The following PLXNA4 variants were observed in gnomAD, a reference collection of about 807,000 sequenced individuals.
The protein encoded by PLXNA4 is plexin-A4.
Under a neutral mutation model 191.8 loss-of-function variants are expected in PLXNA4, and 44 were observed. That is an observed-to-expected ratio of 0.23 (90% confidence interval 0.18 to 0.29). The LOEUF (loss-of-function observed/expected upper bound fraction) is 0.29. Among genes scored for constraint, PLXNA4 ranks in the 10% least tolerant of loss-of-function variants. The probability of loss-of-function intolerance (pLI) is 1.00; values close to 1 mark genes in which losing one functional copy is unlikely to be tolerated. For synonymous variants in PLXNA4, 1,082 were observed against 1,009.5 expected (o/e 1.07, Z -1.36); for missense variants, 1,800 against 2,488.8 (o/e 0.72, Z 5.89).
intron 3 of PLXNA4, among the ~76,000 whole-genome samples, chr7:132,465,081 C>T (rs925628794): frequency 6.6e-6 from 1 of 152,174 alleles, no homozygotes; most frequent in Non-Finnish European, 1.5e-5. Context: ...GTTTCCCTCC[C>T]TCCTTTCATT....
chr7:132,279,802 G>A (rs1363136547), intron 4 of PLXNA4, among the ~76,000 whole-genome samples: 3 of 152,180 alleles, frequency 2.0e-5, no homozygotes, highest in Non-Finnish European at 2.9e-5. Flanking sequence ...TGTTGAGATA[G>A]AGAAATCACT....
At chr7:132,189,329 G>A (rs1013167209) in intron 14 of PLXNA4, among the ~76,000 whole-genome samples, 3 of 152,104 alleles carry the variant, frequency 2.0e-5, no homozygotes, top group South Asian at 2.1e-4. Context: ...AATATTTCAC[G>A]GTGGGTTTGC....
intron 2 of PLXNA4, among the ~76,000 whole-genome samples, chr7:132,609,819 G>C (rs73160207): frequency 0.065 from 9,860 of 152,244 alleles, 439 homozygotes; most frequent in Non-Finnish European, 0.096. Flanking sequence ...GTGGGCTGTA[G>C]AGCAGTAGCT....
chr7:132,484,868 C>A, intron 3 of PLXNA4: 6 of 1,614,174 alleles, frequency 3.7e-6, no homozygotes, highest in Non-Finnish European at 5.1e-6. Flanking sequence ...AGGCTGGACT[C>A]TCTGATCTGA....
At chr7:132,354,188 T>TGC (rs1358267319) in intron 3 of PLXNA4, among the ~76,000 whole-genome samples, 2 of 137,340 alleles carry the variant, frequency 1.5e-5, no homozygotes, top group African/African-American at 5.8e-5. Flanking sequence ...AGTGTGTGCG[T>TGC]GTGTGTGTGT....
intron 28 of PLXNA4, 61 bp downstream of exon 28, chr7:132,146,449 G>A: frequency 6.2e-7 from 1 of 1,613,926 alleles, no homozygotes; most frequent in South Asian, 1.1e-5. Flanking sequence ...ATTTCTGTGG[G>A]CTGATGAAGT....
intron 3 of PLXNA4, among the ~76,000 whole-genome samples, chr7:132,442,724 G>A (rs986528640): frequency 2.0e-5 from 3 of 152,236 alleles, no homozygotes; most frequent in Admixed American, 6.5e-5. Flanking sequence ...AACAGTCCCA[G>A]GCCAACCTGA....
intron 3 of PLXNA4, among the ~76,000 whole-genome samples, chr7:132,416,637 A>G (rs967997455): frequency 6.6e-6 from 1 of 152,246 alleles, no homozygotes; most frequent in African/African-American, 2.4e-5. Flanking sequence ...GTATTGCTGC[A>G]TCTTCCTTTC....
chr7:132,450,926 G>A (rs1796098267), intron 3 of PLXNA4, among the ~76,000 whole-genome samples: 1 of 152,144 alleles, frequency 6.6e-6, no homozygotes, highest in South Asian at 2.1e-4. Flanking sequence ...CTCTGCAGGG[G>A]TGGAATCTTT....
chr7:132,647,630 ATCATACAC>A (rs1258297088), intron 1 of PLXNA4, among the ~76,000 whole-genome samples: 1 of 151,800 alleles, frequency 6.6e-6, no homozygotes, highest in Non-Finnish European at 1.5e-5. Flanking sequence ...CCCACATGCT[ATCATACAC>A]ACATACACAC....
intron 21 of PLXNA4, among the ~76,000 whole-genome samples, 176 bp from the exon 22 acceptor site, chr7:132,168,748 C>A (rs559211145): frequency 9.8e-5 from 15 of 152,298 alleles, no homozygotes; most frequent in African/African-American, 3.4e-4. Context: ...TAACCTCCAT[C>A]GCAGCCTCTA....
chr7:132,390,519 A>C (rs1221357705), intron 3 of PLXNA4, among the ~76,000 whole-genome samples: 1 of 152,174 alleles, frequency 6.6e-6, no homozygotes, highest in African/African-American at 2.4e-5. Flanking sequence ...TACCTATGTA[A>C]CAAACCTGCA....
intron 1 of PLXNA4, among the ~76,000 whole-genome samples, chr7:132,557,479 C>A (rs1800851436): frequency 6.6e-6 from 1 of 151,700 alleles, no homozygotes; most frequent in Non-Finnish European, 1.5e-5. Context: ...GATAGGCAAT[C>A]AATTACCAAG....
rs1463194239 is a variant in PLXNA4, at chr7:132,508,953, C to T, written c.-86-174G>A. ...CCACGGGCATGTGACACAGTCAGAG[C>T]CGGGTGGCAGCAGCCCCAGGAGGAC... On this transcript the variant is annotated intron_variant, in intron 1 of 31. Coordinates refer to ENST00000321063, the MANE Select transcript of PLXNA4 (RefSeq NM_020911.2). This position sits in a 1 kb window ranked among gnomAD's most constrained non-coding sequence, Gnocchi z 4.4. Among the ~76,000 whole-genome samples the T allele has an allele frequency of 6.6e-6, 1 of 152,144 alleles. No homozygotes were observed. The highest frequency in any genetic ancestry group is 2.4e-5 in the African/African-American group (1 of 41,412).
rs1563048980 is a variant in PLXNA4 at position 132,133,049 on chromosome 7, C to G, written c.5589G>C (p.Glu1863Asp). Residue 1863 changes from glutamate (E) to aspartate (D), a missense_variant and splice_region_variant, in exon 31 of 32, where the codon GAG (glutamate) becomes GAC (aspartate). Physicochemically the swap from Glu to Asp is conservative, Grantham distance 45. Transcript: ENST00000321063. ...IFSYVGKYSE[E>D]ILGPLDHDDQ... Reference sequence around the variant, plus strand: ...GGGCCTGGAGCAGGGCAAAGCTTACCTCCTCGCTGTATTTGCCCACATAGG... The same window carrying G: ...GGGCCTGGAGCAGGGCAAAGCTTACGTCCTCGCTGTATTTGCCCACATAGG... 6.2e-7 allele frequency: 1 copy of G among 1,613,458 alleles called. No homozygotes were observed. Among genetic ancestry groups the G allele is most frequent in the South Asian group, 1.1e-5 (1 of 90,888 alleles).
At chr7:132,172,758 TATAATAATA>T (rs10651247) in intron 21 of PLXNA4, among the ~76,000 whole-genome samples, 3 of 148,948 alleles carry the variant, frequency 2.0e-5, no homozygotes, top group Admixed American at 6.7e-5. Flanking sequence ...AAACTTAAAG[TATAATAATA>T]ATAATAATAA....
At chr7:132,237,088 G>C (rs975522393) in intron 5 of PLXNA4, among the ~76,000 whole-genome samples, 1 of 152,218 alleles carries the variant, frequency 6.6e-6, no homozygotes, top group African/African-American at 2.4e-5. Flanking sequence ...GATTACAAGC[G>C]TGTTTGTCTT....
chr7:132,189,014 G>A (rs962718010), intron 14 of PLXNA4, among the ~76,000 whole-genome samples: 1,232 of 82,672 alleles, frequency 0.015, 58 homozygotes, highest in African/African-American at 0.045. Flanking sequence ...GAGAGAGAGA[G>A]AGAGAGAGAG....
intron 3 of PLXNA4, among the ~76,000 whole-genome samples, chr7:132,377,429 A>C (rs1043082594): frequency 6.6e-6 from 1 of 151,938 alleles, no homozygotes; most frequent in Non-Finnish European, 1.5e-5. Flanking sequence ...AAAGAAAAAA[A>C]AAAAAAAAAG....
Sources: gnomAD v4.1 joint callset for allele counts (sites outside exome capture counted in the v4.1 genomes callset) on GRCh38, gnomAD v4.1.1 for gene constraint, Gnocchi (gnomAD v3.1) non-coding constraint, MANE v1.5 for transcripts, NCBI Gene and HGNC (gene_info 2026-07-23, HGNC 2026-07-21) for gene names.